The following ME3 variants were observed in gnomAD, a reference collection of about 807,000 sequenced individuals.
ME3 encodes the protein NADP-dependent malic enzyme, mitochondrial.
In ME3, 48 loss-of-function variants were observed where a neutral mutation model predicts 68.9. The ratio of observed to expected loss-of-function variants is 0.70; its 90% CI spans 0.55 to 0.89. The LOEUF is 0.89. Among genes scored for constraint, ME3 ranks in the 40% least tolerant of loss-of-function variants. ME3 has a pLI of 0.00. For missense variants in ME3, 675 were observed against 797.4 expected, an observed-to-expected ratio of 0.85 and a Z score of 1.85; for synonymous variants, 320 against 318.8, an observed-to-expected ratio of 1.00 and a Z score of -0.04.
chr11:86,549,299 A>T (rs1263572231), intron 4 of ME3, among the ~76,000 whole-genome samples: 1 of 151,836 alleles, frequency 6.6e-6, no homozygotes. Flanking sequence ...TCTAGGGACC[A>T]CTCTTTCTGT....
chr11:86,496,607 A>G (rs1476187773), intron 6 of ME3, among the ~76,000 whole-genome samples: 1 of 152,212 alleles, frequency 6.6e-6, no homozygotes, highest in East Asian at 1.9e-4. Flanking sequence ...CTAGAAATTT[A>G]TCCTAAGGAA....
intron 4 of ME3, among the ~76,000 whole-genome samples, chr11:86,530,730 C>T (rs371930337): frequency 6.6e-6 from 1 of 152,050 alleles, no homozygotes; most frequent in Non-Finnish European, 1.5e-5. Context: ...AGAAACCTGA[C>T]AAAAACAAGA....
chr11:86,589,083 A>G (rs1430094168), intron 2 of ME3, among the ~76,000 whole-genome samples: 1 of 152,182 alleles, frequency 6.6e-6, no homozygotes, highest in African/African-American at 2.4e-5. Context: ...GTTGGGAAGA[A>G]ATCTCATTGG....
chr11:86,601,336 T>C (rs536122287), intron 2 of ME3, among the ~76,000 whole-genome samples: 1 of 152,076 alleles, frequency 6.6e-6, no homozygotes, highest in Non-Finnish European at 1.5e-5. Context: ...TCTACGCAAA[T>C]AAACTAGAAA....
chr11:86,611,740 C>T (rs1942593289), intron 2 of ME3, among the ~76,000 whole-genome samples: 1 of 151,830 alleles, frequency 6.6e-6, no homozygotes, highest in Non-Finnish European at 1.5e-5. Flanking sequence ...TACTATGGGT[C>T]TAGATGTTTG....
chr11:86,516,777 C>T (rs1031689900), intron 4 of ME3, among the ~76,000 whole-genome samples: 8 of 152,152 alleles, frequency 5.3e-5, no homozygotes, highest in African/African-American at 1.4e-4. Flanking sequence ...CAGGAACATA[C>T]ATCACTGTCC....
intron 2 of ME3, among the ~76,000 whole-genome samples, chr11:86,595,595 T>C (rs1182931563): frequency 2.0e-5 from 3 of 152,174 alleles, no homozygotes; most frequent in Non-Finnish European, 4.4e-5. Flanking sequence ...GAAGGATTGA[T>C]TGAGTGTCTC....
intron 7 of ME3, among the ~76,000 whole-genome samples, chr11:86,482,619 A>C (rs1347377083): frequency 6.6e-5 from 10 of 150,392 alleles, no homozygotes. Context: ...CAACCAGTAT[A>C]ATGTGGTGGA....
intron 2 of ME3, among the ~76,000 whole-genome samples, chr11:86,644,443 C>T (rs1020154110): frequency 1.3e-5 from 2 of 152,160 alleles, no homozygotes; most frequent in African/African-American, 4.8e-5. Context: ...ACTCCCAGGC[C>T]TGGGACAATC....
intron 2 of ME3, among the ~76,000 whole-genome samples, chr11:86,560,772 A>ATATATATATATATATT (rs1594451668): frequency 7.9e-6 from 1 of 127,116 alleles, no homozygotes; most frequent in East Asian, 2.3e-4. Flanking sequence ...ATATATATAT[A>ATATATATATATATATT]TTTCCAGGAC....
chr11:86,520,598 G>T (rs1024757745), intron 4 of ME3, among the ~76,000 whole-genome samples: 2 of 152,082 alleles, frequency 1.3e-5, no homozygotes, highest in Non-Finnish European at 1.5e-5. Context: ...CCCTTCTAGG[G>T]CCCCTTGGCC....
intron 4 of ME3, among the ~76,000 whole-genome samples, chr11:86,525,127 T>C (rs1954636651): frequency 6.6e-6 from 1 of 152,202 alleles, no homozygotes; most frequent in Non-Finnish European, 1.5e-5. Flanking sequence ...TAGACCCAAA[T>C]TCTAGGTCAT....
chr11:86,470,069 G>A (rs1246707522), intron 7 of ME3, among the ~76,000 whole-genome samples: 1 of 152,134 alleles, frequency 6.6e-6, no homozygotes, highest in Non-Finnish European at 1.5e-5. Context: ...TGAACCAAAT[G>A]CAGAGTGAGG....
At chr11:86,661,568 A>G (rs1430864393) in intron 2 of ME3, among the ~76,000 whole-genome samples, 1 of 152,246 alleles carries the variant, frequency 6.6e-6, no homozygotes. Flanking sequence ...ATGGATGACT[A>G]TACTCAGAGA....
chr11:86,606,691 A>G (rs80178193), intron 2 of ME3, among the ~76,000 whole-genome samples: 1 of 152,202 alleles, frequency 6.6e-6, no homozygotes, highest in South Asian at 2.1e-4. Flanking sequence ...CCAATAGTCC[A>G]TGGTGCTTAT....
chr11:86,598,594 G>T (rs975655255), intron 2 of ME3, among the ~76,000 whole-genome samples: 1 of 152,168 alleles, frequency 6.6e-6, no homozygotes, highest in Non-Finnish European at 1.5e-5. Flanking sequence ...TTTGAGGAGA[G>T]CAGTGGTTCT....
chr11:86,572,180 G>A (rs374968472), intron 2 of ME3, among the ~76,000 whole-genome samples: 16 of 152,282 alleles, frequency 1.1e-4, no homozygotes, highest in African/African-American at 3.4e-4. Context: ...GTTTTGCTGG[G>A]CTTTGTTGCA....
chr11:86,662,872 C>G (rs756083008), intron 2 of ME3, among the ~76,000 whole-genome samples: 5 of 152,190 alleles, frequency 3.3e-5, no homozygotes, highest in Non-Finnish European at 7.3e-5. Context: ...TCTATTTTGA[C>G]TGGAACCCTA....
At chr11:86,613,099 G>A (rs183825288) in intron 2 of ME3, among the ~76,000 whole-genome samples, 225 of 152,232 alleles carry the variant, frequency 1.5e-3, no homozygotes, top group African/African-American at 5.3e-3. Context: ...GTGAAAGGAA[G>A]GGGTCCAGTT....
Sources: allele counts gnomAD v4.1 joint callset (sites outside exome capture counted in the v4.1 genomes callset), GRCh38; gene constraint gnomAD v4.1.1; transcripts MANE v1.5; gene names NCBI Gene and HGNC (gene_info 2026-07-23, HGNC 2026-07-21).